AP3D1: variants seen among roughly 807,000 people sequenced by gnomAD.
AP3D1 encodes the protein AP-3 complex subunit delta-1.
Under a neutral mutation model 147.6 loss-of-function variants are expected in AP3D1, and 51 were observed. The ratio of observed to expected loss-of-function variants is 0.35; its 90% confidence interval spans 0.28 to 0.44. The LOEUF (loss-of-function observed/expected upper bound fraction) is 0.44, where lower values mean the gene tolerates loss of function less well. Ranked by LOEUF, AP3D1 falls within the 20% of genes least tolerant of loss-of-function variation. The pLI, the probability that AP3D1 is intolerant of heterozygous loss-of-function variation, is 1.00. For synonymous variants in AP3D1, 760 were observed against 663.0 expected (o/e 1.15, Z -2.25); for missense variants, 1,421 against 1,624.2 (o/e 0.87, Z 2.15).
chr19:2,128,461 CG>C (rs962067174), intron 8 of AP3D1, among the ~76,000 whole-genome samples: 4 of 117,492 alleles, frequency 3.4e-5, no homozygotes, highest in African/African-American at 1.5e-4. Context: ...CCCGTGGAGC[CG>C]GCCCGCCCCC....
chr19:2,163,441 C>T (rs1047908445), intron 1 of AP3D1, among the ~76,000 whole-genome samples: 2 of 151,902 alleles, frequency 1.3e-5, no homozygotes, highest in Non-Finnish European at 2.9e-5. Flanking sequence ...ATCTGCCCGC[C>T]TTGGCCTCCC....
chr19:2,150,161 G>C (rs916651159), intron 1 of AP3D1, among the ~76,000 whole-genome samples: 2 of 152,232 alleles, frequency 1.3e-5, no homozygotes, highest in Admixed American at 6.5e-5. Flanking sequence ...CAGGAAGCAA[G>C]TCCCTTAACT....
intron 1 of AP3D1, among the ~76,000 whole-genome samples, chr19:2,163,085 T>A (rs1016519638): frequency 3.9e-5 from 6 of 152,096 alleles, no homozygotes; most frequent in African/African-American, 1.4e-4. Context: ...TAATTAATTA[T>A]TTTTTTGAGA....
At chr19:2,113,311 C>T in intron 23 of AP3D1, 25 bp downstream of exon 23, 1 of 1,269,904 alleles carries the variant, frequency 7.9e-7, no homozygotes, top group Non-Finnish European at 1.1e-6. Context: ...CCGAGGCTGG[C>T]ACTGGCCAGC....
In AP3D1 at chr19:2,105,732, G is replaced by A. The variant is rs1308321611; in HGVS notation, c.3552+2955C>T. ...GGGTCTCCCTGACCAAGCTGGTCTC[G>A]GCAGGGAGGAAGTGTGCAGCACCCA... On this transcript the variant is annotated intron_variant, in intron 31 of 31. Transcript: ENST00000643116. Among the ~76,000 whole-genome samples the A allele has an allele frequency of 3.3e-5, 5 of 152,214 alleles. No homozygotes were observed. In the East Asian group the frequency reaches 5.8e-4, roughly 18 times the overall value.
rs967229513 is a variant in AP3D1, at chr19:2,104,666, GTTTTTTTT to G, written c.3553-2406_3553-2399del. ...CGGACACTAGGACTCTCTGACACAA[GTTTTTTTT>G]TTTTTTTTTTTTTTTGGAGTCTCAC... On this transcript the variant is annotated intron_variant, in intron 31 of 31. Coordinates refer to ENST00000643116, the MANE Select transcript of AP3D1 (RefSeq NM_001261826.3). Among the ~76,000 whole-genome samples, 64 of 113,468 alleles carry G rather than the reference GTTTTTTTT, an allele frequency of 5.6e-4. 1 individual carries two copies. In the East Asian group the frequency reaches 0.015, roughly 26 times the overall value. The allele number at this position is 113,468 out of a possible 152,430, so 74.4% of individuals were successfully genotyped here. A position where few individuals can be genotyped will look rare whatever the true frequency, so the allele number is the denominator to read the frequency against.
chr19:2,112,826 C>T (rs2018322355), intron 24 of AP3D1, 34 bp downstream of exon 24: 2 of 1,547,376 alleles, frequency 1.3e-6, no homozygotes, highest in East Asian at 2.3e-5. Context: ...GCTCATGCAG[C>T]CCTCCACAGC....
At chr19:2,141,437 T>C (rs1163678180) in intron 1 of AP3D1, among the ~76,000 whole-genome samples, 1 of 133,642 alleles carries the variant, frequency 7.5e-6, no homozygotes, top group Non-Finnish European at 1.6e-5. Context: ...CCTGGGGTAC[T>C]TTTTTTTTTT....
At chr19:2,127,087 T>G in intron 9 of AP3D1, 65 bp downstream of exon 9, 2 of 1,564,256 alleles carry the variant, frequency 1.3e-6, no homozygotes, top group Non-Finnish European at 1.8e-6. Context: ...CGCCCTCCTG[T>G]CCCCACCTGA....
chr19:2,144,739 C>T (rs970445332), intron 1 of AP3D1, among the ~76,000 whole-genome samples: 1 of 152,136 alleles, frequency 6.6e-6, no homozygotes, highest in African/African-American at 2.4e-5. Context: ...ACCGTCTCCA[C>T]TAAAAATACA....
Position 2,130,466 on chromosome 19 carries a change from G to T in AP3D1, c.534C>A (p.Pro178=), listed in dbSNP as rs187451666. The change falls in exon 6 of 32, where the codon CCC becomes CCA. Residue 178 remains proline, a synonymous_variant. Coordinates refer to ENST00000643116, the MANE Select transcript of AP3D1 (RefSeq NM_001261826.3). ...LIMYKVFLKY[P]ESLRPAFPRL... ...GGGGAAAGGCAGGGCGCAGCGACTCGGGGTACTTCAGGAACACCTTGTACA... is the reference window on the plus strand; with the variant it reads ...GGGGAAAGGCAGGGCGCAGCGACTCTGGGTACTTCAGGAACACCTTGTACA... 1.2e-6 allele frequency: 2 copies of T among 1,614,030 alleles called. No homozygotes were observed. The highest frequency in any genetic ancestry group is 1.1e-5 in the South Asian group (1 of 91,082).
At chr19:2,115,912 A>C (rs1314117509) in intron 18 of AP3D1, among the ~76,000 whole-genome samples, 1 of 152,258 alleles carries the variant, frequency 6.6e-6, no homozygotes, top group Non-Finnish European at 1.5e-5. Context: ...AAATGAGAAA[A>C]GTAATGCGGC....
chr19:2,115,507 A>C (rs1381001679), intron 19 of AP3D1, 31 bp downstream of exon 19: 3 of 1,611,262 alleles, frequency 1.9e-6, no homozygotes, highest in Non-Finnish European at 1.7e-6. Flanking sequence ...CCATGTGACA[A>C]ATGCGGCGCC....
At chr19:2,115,639 C>G in intron 18 of AP3D1, 26 bp from the exon 19 acceptor site, 1 of 1,602,378 alleles carries the variant, frequency 6.2e-7, no homozygotes, top group Non-Finnish European at 8.5e-7. Flanking sequence ...CCAGGCGTTA[C>G]CGGTGCACCG....
In AP3D1 at chr19:2,102,054, A is replaced by T; in HGVS notation, c.*119T>A. ...GATGTCTACACGGCGGACAACATAG[A>T]GTTAAATTAACACTCAGGCTTGGGT... On this transcript the variant is annotated 3_prime_UTR_variant, in exon 32 of 32. Coordinates refer to ENST00000643116, the MANE Select transcript of AP3D1 (RefSeq NM_001261826.3). 1.4e-6 allele frequency: 1 copy of T among 733,750 alleles called. No homozygotes were observed. The highest frequency in any genetic ancestry group is 2.6e-5 in the East Asian group (1 of 37,900). 45.5% of individuals were successfully genotyped at this position (733,750 alleles called of 1,614,324 possible).
At chr19:2,145,592 G>A (rs939133311) in intron 1 of AP3D1, among the ~76,000 whole-genome samples, 1 of 152,122 alleles carries the variant, frequency 6.6e-6, no homozygotes, top group Non-Finnish European at 1.5e-5. Flanking sequence ...GCCACGGCTG[G>A]GCCAGAGCAC....
intron 31 of AP3D1, among the ~76,000 whole-genome samples, chr19:2,104,516 A>C (rs554844784): frequency 6.6e-6 from 1 of 151,150 alleles, no homozygotes; most frequent in African/African-American, 2.4e-5. Flanking sequence ...CCAGACCCCA[A>C]TGCCAAGACA....
chr19:2,153,331 G>A (rs936476030), upstream of AP3D1, among the ~76,000 whole-genome samples: 3 of 143,308 alleles, frequency 2.1e-5, no homozygotes, highest in East Asian at 2.1e-4. Flanking sequence ...CTGAGATTGC[G>A]CCACTGCACT....
intron 31 of AP3D1, among the ~76,000 whole-genome samples, chr19:2,106,151 T>G (rs1451774084): frequency 2.0e-5 from 3 of 152,126 alleles, no homozygotes; most frequent in African/African-American, 7.2e-5. Flanking sequence ...CAGGGCCTCC[T>G]GCACGGCAGC....
Sources: allele counts gnomAD v4.1 joint callset (sites outside exome capture counted in the v4.1 genomes callset), GRCh38; gene constraint gnomAD v4.1.1; transcripts MANE v1.5; gene names NCBI Gene and HGNC (gene_info 2026-07-23, HGNC 2026-07-21).